SLC22A13: variants seen among roughly 807,000 people sequenced by gnomAD.
SLC22A13 encodes organic anion transporter 10.
SLC22A13 carries 42 observed loss-of-function variants against 49.1 expected under a neutral mutation model. The observed-to-expected ratio is 0.85, with a 90% confidence interval of 0.67 to 1.11. The LOEUF is 1.11. Among genes scored for constraint, SLC22A13 ranks in the 50% least tolerant of loss-of-function variants. The probability of loss-of-function intolerance (pLI) is 0.00; values close to 1 mark genes in which losing one functional copy is unlikely to be tolerated. For synonymous variants in SLC22A13, 282 were observed against 293.1 expected, an observed-to-expected ratio of 0.96 and a Z score of 0.39; for missense variants, 694 against 712.8, an observed-to-expected ratio of 0.97 and a Z score of 0.30.
At chr3:38,266,279 T>C (rs775134003) in intron 1 of SLC22A13, 41 bp downstream of exon 1, 101 of 1,591,578 alleles carry the variant, frequency 6.3e-5, no homozygotes, top group Non-Finnish European at 8.0e-5. Flanking sequence ...CGGTTGTGGG[T>C]CTGTCAGGTC....
chr3:38,276,103 G>A lies in SLC22A13; in HGVS notation c.1237+7G>A. 6.2e-7 allele frequency: 1 copy of A among 1,610,744 alleles called. No homozygotes were observed. The highest frequency in any genetic ancestry group is 8.5e-7 in the Non-Finnish European group (1 of 1,177,842). ...ATCATCTTCATCCCAGCAGGTATCA[G>A]GGCTGGCTATCCCTCACCCGCATGC... On this transcript the variant is annotated splice_region_variant and intron_variant, in intron 7 of 9. Coordinates refer to ENST00000311856, the MANE Select transcript of SLC22A13 (RefSeq NM_004256.4).
chr3:38,266,171 A>G lies in SLC22A13; in HGVS notation c.311A>G (p.Asn104Ser), dbSNP rs760933667. The change falls in exon 1 of 10, where the codon AAT (asparagine) becomes AGT (serine). Residue 104 changes from asparagine (N) to serine (S), a missense_variant. Physicochemically the swap from Asn to Ser is conservative, Grantham distance 46 (BLOSUM62 1). Coordinates refer to ENST00000311856, the MANE Select transcript of SLC22A13 (RefSeq NM_004256.4). ...SLQDILSHRF[N>S]ETQPCDMGWE... is the part of the protein sequence containing the mutation. ...CAGGACATCCTCAGCCACCGCTTCA[A>G]TGAGACGCAGCCTTGTGATATGGGC... is the stretch of plus-strand genomic sequence containing the variant. The G allele has an allele frequency of 1.3e-5, 21 of 1,614,030 alleles. No homozygotes were observed. The highest frequency in any genetic ancestry group is 8.3e-5 in the Admixed American group (5 of 60,008).
At chr3:38,269,481 G>C (rs755308032) in intron 1 of SLC22A13, among the ~76,000 whole-genome samples, 1 of 151,936 alleles carries the variant, frequency 6.6e-6, no homozygotes, top group Non-Finnish European at 1.5e-5. Context: ...TGGTCTCGAA[G>C]TCCTGACCTC....
At position 38,275,053 on chromosome 3, in the gene SLC22A13, C is replaced by T; in HGVS notation, c.702C>T (p.Ser234=). 1 of 1,614,252 alleles carries T rather than the reference C, an allele frequency of 6.2e-7. No individual in the cohort carries two copies. Among genetic ancestry groups the T allele is most frequent in the South Asian group, 1.1e-5 (1 of 91,092 alleles). Residue 234 remains serine, a synonymous_variant, in exon 4 of 10, where the codon TCC becomes TCT. Transcript: ENST00000311856. ...QAVVLAQCNF[S]LGQMVLAGLA... ...TGGTCCTGGCCCAGTGCAACTTCTC[C>T]CTCGGGCAGATGGTGCTTGCGGGAC...
chr3:38,275,244 A>C, intron 4 of SLC22A13, 87 bp downstream of exon 4: 1 of 1,591,322 alleles, frequency 6.3e-7, no homozygotes, highest in Non-Finnish European at 8.6e-7. Flanking sequence ...TTCATAGGAC[A>C]GTCAGAGGTG....
intron 1 of SLC22A13, among the ~76,000 whole-genome samples, chr3:38,269,082 CAAAA>C (rs1000901657): frequency 2.0e-5 from 3 of 151,964 alleles, no homozygotes; most frequent in Admixed American, 1.3e-4. Flanking sequence ...TTTAAGCAAA[CAAAA>C]AAATTTTTTG....
chr3:38,276,180 C>T, intron 7 of SLC22A13, 84 bp downstream of exon 7: 4 of 1,506,172 alleles, frequency 2.7e-6, no homozygotes, highest in Non-Finnish European at 3.7e-6. Flanking sequence ...TGTTCTGCTT[C>T]CAGGAGTAAA....
intron 2 of SLC22A13, 95 bp from the exon 3 acceptor site, chr3:38,274,509 C>T: frequency 6.7e-7 from 1 of 1,484,390 alleles, no homozygotes; most frequent in Non-Finnish European, 9.3e-7. Context: ...GGGGCTCAGA[C>T]AGAGACCCCA....
At chr3:38,275,815 G>A in intron 6 of SLC22A13, 67 bp from the exon 7 acceptor site, 1 of 1,533,298 alleles carries the variant, frequency 6.5e-7, no homozygotes, top group Non-Finnish European at 9.0e-7. Flanking sequence ...TGCTGACCAA[G>A]GCAGGCTCTC....
Position 38,277,101 on chromosome 3 carries a change from G to A in SLC22A13, c.1536G>A (p.Gln512=). 1.3e-6 allele frequency: 2 copies of A among 1,570,480 alleles called. No homozygotes were observed. Among genetic ancestry groups the A allele is most frequent in the Non-Finnish European group, 1.7e-6 (2 of 1,157,654 alleles). ...GCCAGGGCCTGAAAGACACCCTCCA[G>A]GACCTGGAGCTGGGGCCTCACCCAC... ...THGQGLKDTL[Q]DLELGPHPRS... is the part of the protein sequence containing the mutation. Residue 512 remains glutamine (Q), a synonymous_variant, in exon 9 of 10, where the codon CAG becomes CAA. Transcript: ENST00000311856.
chr3:38,273,535 A>T (rs1703544191), intron 1 of SLC22A13, among the ~76,000 whole-genome samples: 1 of 152,150 alleles, frequency 6.6e-6, no homozygotes, highest in South Asian at 2.1e-4. Flanking sequence ...CAGGTAGAAA[A>T]ACATGGAGAG....
Position 38,276,386 on chromosome 3 carries a change from C to T in SLC22A13, c.1337C>T (p.Thr446Ile). Residue 446 changes from threonine (T) to isoleucine (I), a missense_variant, in exon 8 of 10, where the codon ACC (threonine) becomes ATC (isoleucine). Physicochemically the swap from Thr to Ile is moderately conservative, Grantham distance 89. Transcript: ENST00000311856. ...GTGTACTCTGCCGAGCTTTTCCCCA[C>T]CATCCTCCGGTAAGAGCTGCAGTGT... ...SYVYSAELFP[T>I]ILRQTGMGLV... is the part of the protein sequence containing the mutation. The T allele has an allele frequency of 6.2e-7, 1 of 1,608,540 alleles. No individual in the cohort carries two copies. The highest frequency in any genetic ancestry group is 8.5e-7 in the Non-Finnish European group (1 of 1,176,142).
rs754238357 is a variant in SLC22A13 at position 38,275,983 on chromosome 3, C to T, written c.1124C>T (p.Pro375Leu). The T allele has an allele frequency of 4.3e-6, 7 of 1,614,214 alleles. No individual in the cohort carries two copies. The South Asian group carries it at 7.7e-5, about 18-fold the overall frequency. Residue 375 changes from proline (P) to leucine (L), a missense_variant, in exon 7 of 10, where the codon CCT becomes CTT. Pro to Leu is a moderately conservative substitution (Grantham distance 98, BLOSUM62 -3). Transcript: ENST00000311856. The part of the protein sequence containing the change: ...TQLIFGAVEV[P>L]ARCSSIFMMQ... ...CTCATCTTTGGAGCTGTTGAGGTGC[C>T]TGCCCGCTGTTCCAGCATCTTCATG...
chr3:38,276,446 G>A (rs377683231), intron 8 of SLC22A13, 51 bp downstream of exon 8: 7 of 1,351,988 alleles, frequency 5.2e-6, no homozygotes, highest in Non-Finnish European at 2.1e-6. Flanking sequence ...ATGCTGATTT[G>A]GCTGTCCCTC....
rs1257825789 is a variant in SLC22A13, at chr3:38,277,492, A to G, written c.*27A>G. ...TGAGGTCTCTAAGAGCTGGACCATCAGCAGCAGGGAGCTGCCTAAACACCT... is the reference window on the plus strand; with the variant it reads ...TGAGGTCTCTAAGAGCTGGACCATCGGCAGCAGGGAGCTGCCTAAACACCT... On this transcript the variant is annotated 3_prime_UTR_variant, in exon 10 of 10. Transcript: ENST00000311856. 5 of 1,546,184 alleles carry G rather than the reference A, an allele frequency of 3.2e-6. No individual in the cohort carries two copies. Among genetic ancestry groups the G allele is most frequent in the African/African-American group, 2.7e-5 (2 of 73,646 alleles).
rs554108174 is a variant in SLC22A13, at chr3:38,277,577, C to G, written c.*112C>G. 51 of 716,764 alleles carry G rather than the reference C, an allele frequency of 7.1e-5. No individual in the cohort carries two copies. In the Middle Eastern group the frequency reaches 4.5e-3, roughly 63 times the overall value. 44.4% of individuals were successfully genotyped at this position (716,764 alleles called of 1,614,324 possible). A position where few individuals can be genotyped will look rare whatever the true frequency, so the allele number is the denominator to read the frequency against. ...GCAAGACCAGCCTTGCTTATGGAGG[C>G]AGGACACCACAATCTGGCCCATGGC... On this transcript the variant is annotated 3_prime_UTR_variant, in exon 10 of 10. Transcript: ENST00000311856.
At chr3:38,271,959 T>G (rs1703527804) in intron 1 of SLC22A13, among the ~76,000 whole-genome samples, 1 of 152,102 alleles carries the variant, frequency 6.6e-6, no homozygotes, top group South Asian at 2.1e-4. Flanking sequence ...AACCATCCAC[T>G]GTGGGTGTTG....
At chr3:38,268,535 A>AC (rs1325995391) in intron 1 of SLC22A13, among the ~76,000 whole-genome samples, 1 of 152,092 alleles carries the variant, frequency 6.6e-6, no homozygotes, top group African/African-American at 2.4e-5. Context: ...GACAGGAAAG[A>AC]CTTTTTTTCA....
Position 38,276,906 on chromosome 3 carries a change from C to A in SLC22A13, c.1347-6C>A. The A allele has an allele frequency of 6.2e-7, 1 of 1,612,682 alleles. No individual in the cohort carries two copies. The highest frequency in any genetic ancestry group is 2.2e-5 in the East Asian group (1 of 44,818). On this transcript the variant is annotated splice_polypyrimidine_tract_variant and splice_region_variant and intron_variant, in intron 8 of 9. Transcript: ENST00000311856. ...GTCTACTTAGCTTGCCCTGGTCTTC[C>A]CCCAGGCAGACAGGCATGGGGCTGG...
Sources: allele counts gnomAD v4.1 joint callset (sites outside exome capture counted in the v4.1 genomes callset), GRCh38; gene constraint gnomAD v4.1.1; transcripts MANE v1.5; gene names NCBI Gene and HGNC (gene_info 2026-07-23, HGNC 2026-07-21).